ZNF521: variants seen among roughly 807,000 people sequenced by gnomAD.
The protein encoded by ZNF521 is zinc finger protein 521, also known as LYST-interacting protein 3.
In ZNF521, 14 loss-of-function variants were observed where a neutral mutation model predicts 105.5. The observed-to-expected ratio is 0.13, with a 90% CI of 0.09 to 0.21. The LOEUF (loss-of-function observed/expected upper bound fraction) is 0.21, where lower values mean the gene tolerates loss of function less well. Ranked by LOEUF, ZNF521 falls within the 10% of genes least tolerant of loss-of-function variation. The pLI is 1.00. For missense variants in ZNF521, 1,233 were observed against 1,629.7 expected (o/e 0.76, Z 4.19); for synonymous variants, 635 against 606.0 (o/e 1.05, Z -0.70).
chr18:25,201,729 A>C (rs1479235825), intron 4 of ZNF521: 2 of 152,184 alleles, frequency 1.3e-5, no homozygotes, highest in African/African-American at 2.4e-5. Flanking sequence ...TAAAGTACTC[A>C]TTCCAAATAT....
In ZNF521 at chr18:25,203,754, A is replaced by G. The variant is rs2036032128; in HGVS notation, c.3574-8510T>C. ...AAGGAAGAGAAAAGAAAAAACCTAT[A>G]GATACTTGTTTTAAATGACTGAGTT... On this transcript the variant is annotated intron_variant, in intron 4 of 7. Transcript: ENST00000361524. Among the ~76,000 whole-genome samples the G allele has an allele frequency of 2.0e-5, 3 of 152,356 alleles. No individual in the cohort carries two copies. The South Asian group carries it at 6.2e-4, about 32-fold the overall frequency.
chr18:25,274,276 T>TCA (rs1909890334), intron 3 of ZNF521, among the ~76,000 whole-genome samples: 1 of 152,072 alleles, frequency 6.6e-6, no homozygotes, highest in Admixed American at 6.6e-5. Flanking sequence ...GTAGTCATGG[T>TCA]GGTGATTTCA....
chr18:25,201,957 A>G (rs556761324), intron 4 of ZNF521: 5 of 152,328 alleles, frequency 3.3e-5, no homozygotes, highest in African/African-American at 1.2e-4. Context: ...CACCTGCACT[A>G]AACAGTAATT....
intron 5 of ZNF521, among the ~76,000 whole-genome samples, chr18:25,123,383 A>G (rs1286977071): frequency 6.6e-6 from 1 of 152,200 alleles, no homozygotes; most frequent in Admixed American, 6.5e-5. Flanking sequence ...TAAGGACAAA[A>G]GGGAAAGTGA....
At position 25,137,701 on chromosome 18, in the gene ZNF521, C is replaced by T. The variant is rs150616359; in HGVS notation, c.3659-45620G>A. On this transcript the variant is annotated intron_variant, in intron 5 of 7. Coordinates refer to ENST00000361524, the MANE Select transcript of ZNF521 (RefSeq NM_015461.3). ...GCACATGTGTGTGCACACACACTTC[C>T]TAAATCCCAGCAGTGAGCCTCAACC... Among the ~76,000 whole-genome samples, 905 of 152,244 alleles carry T rather than the reference C, an allele frequency of 5.9e-3. 7 individuals carry two copies. The highest frequency in any genetic ancestry group is 0.021 in the African/African-American group (852 of 41,542).
At chr18:25,175,135 T>C (rs2035515022) in intron 5 of ZNF521, among the ~76,000 whole-genome samples, 3 of 152,130 alleles carry the variant, frequency 2.0e-5, no homozygotes, top group Non-Finnish European at 2.9e-5. Context: ...AGGTAGGACT[T>C]TGAGTACATT....
intron 7 of ZNF521, among the ~76,000 whole-genome samples, chr18:25,070,621 G>A (rs1315961153): frequency 6.6e-6 from 1 of 152,124 alleles, no homozygotes; most frequent in East Asian, 1.9e-4. Flanking sequence ...TTTGGCGCTG[G>A]ACAATTCTTT....
chr18:25,174,667 T>G (rs2035505156), intron 5 of ZNF521, among the ~76,000 whole-genome samples: 1 of 152,152 alleles, frequency 6.6e-6, no homozygotes, highest in East Asian at 1.9e-4. Context: ...GTAGATACAG[T>G]AATCCTGGCA....
At chr18:25,129,119 A>G (rs908595099) in intron 5 of ZNF521, among the ~76,000 whole-genome samples, 1 of 151,890 alleles carries the variant, frequency 6.6e-6, no homozygotes, top group African/African-American at 2.4e-5. Flanking sequence ...TCAATGAAGC[A>G]GAATAGAGAG....
At chr18:25,243,058 C>T (rs1235518093) in intron 3 of ZNF521, among the ~76,000 whole-genome samples, 5 of 152,254 alleles carry the variant, frequency 3.3e-5, no homozygotes, top group African/African-American at 1.2e-4. Flanking sequence ...CCAAGTCTGC[C>T]TTTCTCAACA....
intron 3 of ZNF521, among the ~76,000 whole-genome samples, chr18:25,234,595 T>G (rs1906754057): frequency 6.6e-6 from 1 of 152,170 alleles, no homozygotes; most frequent in African/African-American, 2.4e-5. Context: ...ATATGAGGTA[T>G]TATAAGACTC....
intron 2 of ZNF521, among the ~76,000 whole-genome samples, chr18:25,342,727 CT>C (rs1420891926): frequency 6.6e-6 from 1 of 152,208 alleles, no homozygotes; most frequent in Non-Finnish European, 1.5e-5. Context: ...CGCGCCTGGC[CT>C]TCTTTTTCTT....
At chr18:25,205,828 T>C (rs749196235) in intron 4 of ZNF521, among the ~76,000 whole-genome samples, 12 of 152,284 alleles carry the variant, frequency 7.9e-5, no homozygotes, top group Admixed American at 3.3e-4. Flanking sequence ...TAATAAAAAG[T>C]CATCACAAAT....
At chr18:25,303,716 A>G (rs1911797191) in intron 3 of ZNF521, among the ~76,000 whole-genome samples, 1 of 152,186 alleles carries the variant, frequency 6.6e-6, no homozygotes, top group Admixed American at 6.5e-5. Context: ...AAGCTCATAG[A>G]TCAAATCTAC....
intron 2 of ZNF521, among the ~76,000 whole-genome samples, chr18:25,349,605 G>C (rs28724274): frequency 0.44 from 66,156 of 151,934 alleles, 15,029 homozygotes; most frequent in East Asian, 0.77. Flanking sequence ...GCCGGGGGCC[G>C]GGAGGCGTGG....
Position 25,255,244 on chromosome 18 carries a change from A to T in ZNF521, c.221-27547T>A, listed in dbSNP as rs571147546. Among the ~76,000 whole-genome samples the T allele has an allele frequency of 1.3e-3, 199 of 152,222 alleles. 1 individual carries two copies. Among genetic ancestry groups the T allele is most frequent in the African/African-American group, 4.7e-3 (194 of 41,570 alleles). On this transcript the variant is annotated intron_variant, in intron 3 of 7. Transcript: ENST00000361524. ...ACATGAACCTGTTTGAGATTACTTT[A>T]TATTTTTACAATTATTATTGTTAAC...
chr18:25,258,489 T>C (rs947092316), intron 3 of ZNF521, among the ~76,000 whole-genome samples: 1 of 152,102 alleles, frequency 6.6e-6, no homozygotes, highest in African/African-American at 2.4e-5. Context: ...CAAAGGAAAA[T>C]TCAGGTTTTA....
chr18:25,091,072 C>T (rs72881245), intron 6 of ZNF521, among the ~76,000 whole-genome samples: 4,167 of 152,256 alleles, frequency 0.027, 99 homozygotes, highest in Middle Eastern at 0.096. Flanking sequence ...AATCTATAGG[C>T]TCAGTTCAGT....
intron 7 of ZNF521, among the ~76,000 whole-genome samples, chr18:25,072,608 T>C (rs2033254568): frequency 6.6e-6 from 1 of 152,196 alleles, no homozygotes; most frequent in South Asian, 2.1e-4. Flanking sequence ...AAGAGTACGA[T>C]GTTTATTTTT....
Sources: allele counts gnomAD v4.1 joint callset (sites outside exome capture counted in the v4.1 genomes callset), GRCh38; gene constraint gnomAD v4.1.1; transcripts MANE v1.5; gene names NCBI Gene and HGNC (gene_info 2026-07-23, HGNC 2026-07-21).